EMCN: variants seen among roughly 807,000 people sequenced by gnomAD.
EMCN encodes MUC-14.
EMCN carries 37 observed loss-of-function variants against 38.4 expected under a neutral mutation model. That is an observed-to-expected ratio of 0.96 (90% CI 0.74 to 1.27). The LOEUF (loss-of-function observed/expected upper bound fraction) is 1.27, where lower values mean the gene tolerates loss of function less well. EMCN is among the 50% of genes most tolerant of loss of function. The pLI, the probability that EMCN is intolerant of heterozygous loss-of-function variation, is 0.00. For synonymous variants in EMCN, 95 were observed against 100.8 expected (o/e 0.94, Z 0.35); for missense variants, 318 against 302.8 (o/e 1.05, Z -0.37).
In EMCN at chr4:100,425,256, A is replaced by G. The variant is rs538243378; in HGVS notation, c.416-1852T>C. ...AAGCTCTGTGTTTTAGCATGATCATATTGCTGAAATTATGGTACTTGGCTG... is the reference window on the plus strand; with the variant it reads ...AAGCTCTGTGTTTTAGCATGATCATGTTGCTGAAATTATGGTACTTGGCTG... On this transcript the variant is annotated intron_variant, in intron 5 of 11. Transcript: ENST00000296420. Among the ~76,000 whole-genome samples, 24 of 151,498 alleles carry G rather than the reference A, an allele frequency of 1.6e-4. No individual in the cohort carries two copies. In the East Asian group the frequency reaches 3.7e-3, roughly 23 times the overall value.
Position 100,517,911 on chromosome 4 carries a change from C to T in EMCN, c.4G>A (p.Glu2Lys). ...AAAAGAATGGTCACTTGAAGCAGTT[C>T]CATGGTGCCCGTAGATGGTGTCAAT... Reference protein sequence around the residue: MELLQVTILFLL... With the variant: MKLLQVTILFLL... Residue 2 changes from glutamate (E) to lysine (K), a missense_variant, in exon 1 of 12, where the codon GAA becomes AAA. Transcript: ENST00000296420. 6.2e-7 allele frequency: 1 copy of T among 1,612,604 alleles called. No homozygotes were observed. Among genetic ancestry groups the T allele is most frequent in the Non-Finnish European group, 8.5e-7 (1 of 1,178,934 alleles).
chr4:100,434,223 TCA>T (rs1484843089), intron 5 of EMCN, among the ~76,000 whole-genome samples: 4 of 151,804 alleles, frequency 2.6e-5, no homozygotes, highest in Middle Eastern at 3.2e-3. Flanking sequence ...CAAACAACCA[TCA>T]GAGACTACTA....
chr4:100,455,786 T>G (rs1173536432), intron 4 of EMCN, among the ~76,000 whole-genome samples: 2 of 151,878 alleles, frequency 1.3e-5, no homozygotes, highest in South Asian at 4.1e-4. Context: ...TTCCCTTTTG[T>G]TCGTTTTTTC....
At position 100,518,004 on chromosome 4, in the gene EMCN, G is replaced by C; in HGVS notation, c.-90C>G. The stretch of plus-strand genomic sequence containing the variant: ...CCTGGCAGGGCCTTATTAGCAAATG[G>C]AAAAGGTGTAGTGAATGTGAATAGC... On this transcript the variant is annotated 5_prime_UTR_variant, in exon 1 of 12. Coordinates refer to ENST00000296420, the MANE Select transcript of EMCN (RefSeq NM_016242.4). 3.1e-6 allele frequency: 4 copies of C among 1,288,762 alleles called. No homozygotes were observed. The highest frequency in any genetic ancestry group is 2.3e-6 in the Non-Finnish European group (2 of 885,492). 79.8% of individuals were successfully genotyped at this position (1,288,762 alleles called of 1,614,324 possible).
chr4:100,418,086 C>T (rs1013631928), intron 8 of EMCN, among the ~76,000 whole-genome samples: 10 of 151,958 alleles, frequency 6.6e-5, no homozygotes, highest in Non-Finnish European at 1.2e-4. Context: ...ATATTGCCAT[C>T]GTAACTCTTA....
At chr4:100,478,476 A>T (rs1044095352) in intron 2 of EMCN, among the ~76,000 whole-genome samples, 1 of 152,164 alleles carries the variant, frequency 6.6e-6, no homozygotes, top group Non-Finnish European at 1.5e-5. Flanking sequence ...TGCATATTTA[A>T]TGTATAGAAG....
rs553160088 is a variant in EMCN, at chr4:100,509,908, T to C, written c.64+7943A>G. ...TAATGTTAACTTATACAATAATAGCTAATGTTTTAGTAATTTATGATGTGC... is the reference window on the plus strand; with the variant it reads ...TAATGTTAACTTATACAATAATAGCCAATGTTTTAGTAATTTATGATGTGC... On this transcript the variant is annotated intron_variant, in intron 1 of 11. Coordinates refer to ENST00000296420, the MANE Select transcript of EMCN (RefSeq NM_016242.4). Among the ~76,000 whole-genome samples, 3 of 126,174 alleles carry C rather than the reference T, an allele frequency of 2.4e-5. No individual in the cohort carries two copies. In the East Asian group the frequency reaches 1.2e-3, roughly 50 times the overall value. 82.8% of individuals were successfully genotyped at this position (126,174 alleles called of 152,430 possible).
chr4:100,484,481 C>T (rs1023492342), intron 1 of EMCN, among the ~76,000 whole-genome samples: 6 of 152,048 alleles, frequency 3.9e-5, no homozygotes, highest in Non-Finnish European at 5.9e-5. Flanking sequence ...TGAACTCCTG[C>T]GCTCAAGATA....
At chr4:100,507,323 T>C (rs546924524) in intron 1 of EMCN, among the ~76,000 whole-genome samples, 1 of 152,304 alleles carries the variant, frequency 6.6e-6, no homozygotes, top group Middle Eastern at 3.4e-3. Flanking sequence ...ATATTTGTAT[T>C]AACCAAATCT....
intron 1 of EMCN, among the ~76,000 whole-genome samples, chr4:100,487,826 CT>C (rs932303378): frequency 7.9e-5 from 12 of 152,150 alleles, no homozygotes; most frequent in African/African-American, 2.7e-4. Context: ...AACCTCTTTT[CT>C]TTATAAATTA....
chr4:100,432,612 A>C (rs1053663059), intron 5 of EMCN, among the ~76,000 whole-genome samples: 2 of 152,118 alleles, frequency 1.3e-5, no homozygotes, highest in African/African-American at 2.4e-5. Context: ...GCCTTACCAG[A>C]TATGTTACAG....
At chr4:100,421,535 G>T (rs1446513760) in intron 7 of EMCN, among the ~76,000 whole-genome samples, 158 bp from the exon 8 acceptor site, 1 of 152,020 alleles carries the variant, frequency 6.6e-6, no homozygotes, top group African/African-American at 2.4e-5. Flanking sequence ...CATGGGGTTT[G>T]CTCTAGTTGT....
intron 1 of EMCN, among the ~76,000 whole-genome samples, chr4:100,517,568 AT>A (rs1048551557): frequency 2.6e-5 from 4 of 152,030 alleles, no homozygotes; most frequent in African/African-American, 9.7e-5. Flanking sequence ...CTATTCCCAG[AT>A]TTTTATACTC....
intron 7 of EMCN, 28 bp downstream of exon 7, chr4:100,422,993 C>A (rs759523556): frequency 3.1e-6 from 5 of 1,608,436 alleles, no homozygotes; most frequent in Non-Finnish European, 2.6e-6. Flanking sequence ...TATCTACTGC[C>A]ATGAATGAAG....
At position 100,413,472 on chromosome 4, in the gene EMCN, G is replaced by A. The variant is rs185788446; in HGVS notation, c.751+2426C>T. Among the ~76,000 whole-genome samples, 468 of 152,174 alleles carry A rather than the reference G, an allele frequency of 3.1e-3. 2 individuals are homozygous for A. The highest frequency in any genetic ancestry group is 0.01 in the Middle Eastern group (3 of 294). ...ACGTAACTTCTCTTGAGTGTAGTGA[G>A]CATAGCATTATAAAGAAAAGATATT... On this transcript the variant is annotated intron_variant, in intron 10 of 11. Coordinates refer to ENST00000296420, the MANE Select transcript of EMCN (RefSeq NM_016242.4).
intron 1 of EMCN, among the ~76,000 whole-genome samples, chr4:100,509,345 T>C (rs1356721520): frequency 1.3e-5 from 2 of 152,236 alleles, no homozygotes; most frequent in Non-Finnish European, 2.9e-5. Context: ...GATCACATCA[T>C]TTAATTATTC....
intron 1 of EMCN, among the ~76,000 whole-genome samples, chr4:100,512,855 G>A (rs976288570): frequency 1.3e-5 from 2 of 151,236 alleles, no homozygotes; most frequent in African/African-American, 2.4e-5. Flanking sequence ...ATTTAGAAAC[G>A]TGCATCTCAT....
rs184009956 is a variant in EMCN at position 100,465,458 on chromosome 4, T to C, written c.341A>G (p.Asn114Ser). ...NVTVTSVTLP[N>S]AVSTLQSSKP... Reference sequence around the variant, plus strand: ...GGAACTTTGTAATGTTGAAACAGCATTTGGAAGTGTAACACTTGTTACTGT... The same window carrying C: ...GGAACTTTGTAATGTTGAAACAGCACTTGGAAGTGTAACACTTGTTACTGT... The change falls in exon 4 of 12, where the codon AAT (asparagine) becomes AGT (serine). Residue 114 changes from asparagine (N) to serine (S), a missense_variant. Physicochemically the swap from Asn to Ser is conservative, Grantham distance 46. Transcript: ENST00000296420. 1.9e-6 allele frequency: 3 copies of C among 1,608,260 alleles called. No homozygotes were observed. The highest frequency in any genetic ancestry group is 4.5e-5 in the East Asian group (2 of 44,712).
intron 2 of EMCN, among the ~76,000 whole-genome samples, chr4:100,476,154 A>G (rs1024293750): frequency 5.3e-5 from 8 of 151,030 alleles, no homozygotes; most frequent in African/African-American, 2.0e-4. Flanking sequence ...ACTCTCTGTA[A>G]TGGTCTTTCT....
Sources: gnomAD v4.1 joint callset for allele counts (sites outside exome capture counted in the v4.1 genomes callset) on GRCh38, gnomAD v4.1.1 for gene constraint, MANE v1.5 for transcripts, NCBI Gene and HGNC (gene_info 2026-07-23, HGNC 2026-07-21) for gene names.